The following TMCC1 variants were observed in gnomAD, a reference collection of about 807,000 sequenced individuals.
The protein encoded by TMCC1 is transmembrane and coiled-coil domains protein 1.
In TMCC1, 15 loss-of-function variants were observed where a neutral mutation model predicts 52.4. The observed-to-expected ratio is 0.29, with a 90% CI of 0.19 to 0.44. The LOEUF is 0.44. TMCC1 is among the 20% of genes least tolerant of loss of function. The pLI, the probability that TMCC1 is intolerant of heterozygous loss-of-function variation, is 1.00. For synonymous variants in TMCC1, 279 were observed against 301.9 expected, an observed-to-expected ratio of 0.92 and a Z score of 0.79; for missense variants, 503 against 806.0, an observed-to-expected ratio of 0.62 and a Z score of 4.55.
intron 4 of TMCC1, among the ~76,000 whole-genome samples, chr3:129,737,152 G>A (rs1323282147): frequency 6.6e-6 from 1 of 152,146 alleles, no homozygotes; most frequent in East Asian, 1.9e-4. Flanking sequence ...CCTCATGAAT[G>A]TGACTGCTGC....
intron 4 of TMCC1, among the ~76,000 whole-genome samples, chr3:129,820,476 A>G (rs1403604272): frequency 6.6e-6 from 1 of 152,108 alleles, no homozygotes; most frequent in Non-Finnish European, 1.5e-5. Flanking sequence ...GAGGCATTAC[A>G]TATTCTGATT....
chr3:129,721,918 G>C (rs943483243), intron 4 of TMCC1, among the ~76,000 whole-genome samples: 1 of 152,116 alleles, frequency 6.6e-6, no homozygotes, highest in African/African-American at 2.4e-5. Context: ...GCAATCTCAT[G>C]CAAGGAGGTC....
intron 4 of TMCC1, among the ~76,000 whole-genome samples, chr3:129,756,100 GAAA>G (rs764626470): frequency 4.0e-5 from 2 of 50,298 alleles, no homozygotes. Flanking sequence ...TCCATCTCAA[GAAA>G]AAAAAAAAAA....
intron 4 of TMCC1, among the ~76,000 whole-genome samples, chr3:129,729,424 A>G (rs2050367573): frequency 6.6e-6 from 1 of 152,234 alleles, no homozygotes; most frequent in African/African-American, 2.4e-5. Flanking sequence ...AATCTGTTTA[A>G]GACATTTGAC....
rs115654568 is a variant in TMCC1 at position 129,670,722 on chromosome 3, G to A, written c.1119C>T (p.Ala373=). 5.6e-6 allele frequency: 9 copies of A among 1,614,206 alleles called. No individual in the cohort carries two copies. In the East Asian group the frequency reaches 1.8e-4, roughly 32 times the overall value. Reference sequence around the variant, plus strand: ...TGCCAAATTTGTTCCGAATGAGTGAGGCAATCTCTCTGGGCTTTGAGACTA... The same window carrying A: ...TGCCAAATTTGTTCCGAATGAGTGAAGCAATCTCTCTGGGCTTTGAGACTA... ...GAVVSKPREI[A]SLIRNKFGSA... The change falls in exon 5 of 7, where the codon GCC becomes GCT. Residue 373 remains alanine (A), a synonymous_variant. Coordinates refer to ENST00000393238, the MANE Select transcript of TMCC1 (RefSeq NM_001017395.5).
Position 129,843,233 on chromosome 3 carries a change from G to C in TMCC1, c.-183-10407C>G, listed in dbSNP as rs527701495. ...GTGGTGGCAGGTGCCTGTAGTCCCA[G>C]CTACTCAGGAGGCTGAGGCAGGAGA... On this transcript the variant is annotated intron_variant, in intron 2 of 6. Transcript: ENST00000393238. 2.6e-5 allele frequency among the ~76,000 whole-genome samples: 4 copies of C among 152,176 alleles called. No homozygotes were observed. The East Asian group carries it at 7.7e-4, about 29-fold the overall frequency.
At position 129,651,406 on chromosome 3, in the gene TMCC1, G is replaced by C; in HGVS notation, c.*75C>G. 1.4e-6 allele frequency: 2 copies of C among 1,464,176 alleles called. No homozygotes were observed. The highest frequency in any genetic ancestry group is 1.3e-5 in the South Asian group (1 of 74,598). 90.7% of individuals were successfully genotyped at this position (1,464,176 alleles called of 1,614,324 possible). A position where few individuals can be genotyped will look rare whatever the true frequency, so the allele number is the denominator to read the frequency against. ...TTTTTTTGTTGTAGAAAACTTCAGA[G>C]TAGGTAAGTTGCTGTCTAACTCTCT... On this transcript the variant is annotated 3_prime_UTR_variant, in exon 7 of 7. Coordinates refer to ENST00000393238, the MANE Select transcript of TMCC1 (RefSeq NM_001017395.5). This position sits in a 1 kb window ranked among gnomAD's most constrained non-coding sequence, Gnocchi z 5.1.
At chr3:129,864,066 C>T (rs985698805) in intron 2 of TMCC1, among the ~76,000 whole-genome samples, 16 of 152,142 alleles carry the variant, frequency 1.1e-4, no homozygotes, top group Admixed American at 6.5e-4. Context: ...CACAGTGCTA[C>T]CACCTCTTGC....
intron 2 of TMCC1, among the ~76,000 whole-genome samples, chr3:129,866,534 C>T (rs1451794400): frequency 6.6e-6 from 1 of 151,380 alleles, no homozygotes; most frequent in Admixed American, 6.6e-5. Flanking sequence ...TGCGCCACCA[C>T]GCCCGGCTAA....
At chr3:129,854,095 G>A (rs1369919705) in intron 2 of TMCC1, among the ~76,000 whole-genome samples, 1 of 152,038 alleles carries the variant, frequency 6.6e-6, no homozygotes, top group African/African-American at 2.4e-5. Flanking sequence ...TCAGTCGAGT[G>A]TTCTTATCAA....
intron 4 of TMCC1, among the ~76,000 whole-genome samples, chr3:129,673,177 A>G (rs1393435804): frequency 1.3e-5 from 2 of 151,870 alleles, no homozygotes; most frequent in South Asian, 4.2e-4. Flanking sequence ...CTTCTGCCCA[A>G]TTCATCTTTT....
chr3:129,847,589 C>T (rs2059723589), intron 2 of TMCC1: 3 of 152,112 alleles, frequency 2.0e-5, no homozygotes, highest in African/African-American at 7.2e-5. Flanking sequence ...GATATGGGAG[C>T]TGTTTACAGT....
intron 1 of TMCC1, among the ~76,000 whole-genome samples, chr3:129,884,229 G>A (rs1316072004): frequency 6.6e-6 from 1 of 152,078 alleles, no homozygotes; most frequent in African/African-American, 2.4e-5. Context: ...CCAAAAAAAG[G>A]TAAAATATAT....
intron 2 of TMCC1, among the ~76,000 whole-genome samples, chr3:129,865,230 G>A (rs1322361252): frequency 2.0e-5 from 3 of 151,846 alleles, no homozygotes; most frequent in East Asian, 3.9e-4. Context: ...GGCGCAATCC[G>A]GGCTCACTGC....
In TMCC1 at chr3:129,671,141, TGGCA is replaced by T; in HGVS notation, c.696_699del (p.Ala233LeufsTer9). On this transcript the variant is annotated frameshift_variant, in exon 5 of 7. Coordinates refer to ENST00000393238, the MANE Select transcript of TMCC1 (RefSeq NM_001017395.5). LOFTEE classifies it high-confidence loss of function. Reference sequence around the variant, plus strand: ...AGGATCTTCTGCTGCAGGTGAGCAATGGCAGCCTTTGTGCGCTGAGGGTCTGGTG... The same window carrying T: ...AGGATCTTCTGCTGCAGGTGAGCAATGCCTTTGTGCGCTGAGGGTCTGGTG... 1 of 1,614,184 alleles carries T rather than the reference TGGCA, an allele frequency of 6.2e-7. No homozygotes were observed. Among genetic ancestry groups the T allele is most frequent in the Non-Finnish European group, 8.5e-7 (1 of 1,180,032 alleles).
At chr3:129,706,669 A>C (rs899615622) in intron 4 of TMCC1, among the ~76,000 whole-genome samples, 4 of 152,252 alleles carry the variant, frequency 2.6e-5, no homozygotes, top group Admixed American at 2.6e-4. Context: ...AACTTTTAGA[A>C]GTGAAATTAG....
chr3:129,879,932 G>C (rs1384398475), intron 2 of TMCC1, among the ~76,000 whole-genome samples: 2 of 152,130 alleles, frequency 1.3e-5, no homozygotes, highest in African/African-American at 4.8e-5. Flanking sequence ...CCAGCACTTT[G>C]GGAAGCTGAG....
chr3:129,747,586 C>T (rs1310651917), intron 4 of TMCC1, among the ~76,000 whole-genome samples: 1 of 152,070 alleles, frequency 6.6e-6, no homozygotes, highest in Admixed American at 6.6e-5. Context: ...GAAACCTGCT[C>T]TCATCACCCT....
At chr3:129,838,780 G>C (rs1057415298) in intron 2 of TMCC1, among the ~76,000 whole-genome samples, 1 of 139,874 alleles carries the variant, frequency 7.1e-6, no homozygotes, top group African/African-American at 2.7e-5. Flanking sequence ...AAAAAAAAAA[G>C]GATATCTAGG....
Sources: gnomAD v4.1 joint callset for allele counts (sites outside exome capture counted in the v4.1 genomes callset) on GRCh38, gnomAD v4.1.1 for gene constraint, Gnocchi (gnomAD v3.1) non-coding constraint, MANE v1.5 for transcripts, NCBI Gene and HGNC (gene_info 2026-07-23, HGNC 2026-07-21) for gene names.